GRID2: variants seen among roughly 807,000 people sequenced by gnomAD.
The protein encoded by GRID2 is glutamate ionotropic receptor delta type subunit 2, also known as glutamate receptor ionotropic, delta-2.
In GRID2, 33 loss-of-function variants were observed where a neutral mutation model predicts 114.8. The ratio of observed to expected loss-of-function variants is 0.29; its 90% confidence interval spans 0.22 to 0.38. GRID2 has a LOEUF of 0.38. GRID2 is among the 10% of genes least tolerant of loss of function. The pLI, the probability that GRID2 is intolerant of heterozygous loss-of-function variation, is 1.00. For missense variants in GRID2, 1,184 were observed against 1,257.7 expected, an observed-to-expected ratio of 0.94 and a Z score of 0.89; for synonymous variants, 505 against 449.9, an observed-to-expected ratio of 1.12 and a Z score of -1.55.
At chr4:93,299,924 T>C (rs1409781217) in intron 8 of GRID2, among the ~76,000 whole-genome samples, 1 of 152,186 alleles carries the variant, frequency 6.6e-6, no homozygotes, top group South Asian at 2.1e-4. Context: ...CCTTGTTATC[T>C]ACAGCAGATT....
chr4:92,334,282 G>C (rs1336294837), intron 1 of GRID2, among the ~76,000 whole-genome samples: 3 of 152,088 alleles, frequency 2.0e-5, no homozygotes, highest in Admixed American at 1.3e-4. Context: ...TACAGCTCTT[G>C]TTTTCTTCTT....
At chr4:93,361,365 G>C (rs1201196911) in intron 8 of GRID2, among the ~76,000 whole-genome samples, 1 of 152,006 alleles carries the variant, frequency 6.6e-6, no homozygotes, top group African/African-American at 2.4e-5. Flanking sequence ...GGTCTTGTAA[G>C]AAGTAAGCTA....
intron 14 of GRID2, among the ~76,000 whole-genome samples, chr4:93,731,456 A>T (rs963558968): frequency 2.6e-5 from 4 of 152,232 alleles, no homozygotes; most frequent in Non-Finnish European, 5.9e-5. Context: ...GCTGATGAAG[A>T]TACATGAGAC....
intron 14 of GRID2, among the ~76,000 whole-genome samples, chr4:93,715,521 C>A (rs1728832975): frequency 6.6e-6 from 1 of 152,134 alleles, no homozygotes. Context: ...TTGCTTTGGG[C>A]AGTGTGGCCA....
intron 2 of GRID2, among the ~76,000 whole-genome samples, chr4:92,707,661 A>T (rs1191481100): frequency 1.3e-5 from 2 of 152,212 alleles, no homozygotes; most frequent in African/African-American, 4.8e-5. Context: ...GTAGCTTTTG[A>T]GCTATGCTAT....
chr4:92,348,719 T>C (rs1015549320), intron 1 of GRID2, among the ~76,000 whole-genome samples: 1 of 152,152 alleles, frequency 6.6e-6, no homozygotes, highest in Admixed American at 6.6e-5. Context: ...GTTTCAGGTA[T>C]TAAGACATAG....
chr4:93,352,935 G>A (rs1760944684), intron 8 of GRID2, among the ~76,000 whole-genome samples: 1 of 151,942 alleles, frequency 6.6e-6, no homozygotes, highest in Admixed American at 6.6e-5. Flanking sequence ...GCATAAAAAA[G>A]ATGTATTGTG....
intron 13 of GRID2, among the ~76,000 whole-genome samples, chr4:93,535,492 G>A (rs1324913481): frequency 6.6e-6 from 1 of 151,928 alleles, no homozygotes; most frequent in Non-Finnish European, 1.5e-5. Context: ...CATAATGGCT[G>A]TAAAAATTGA....
intron 1 of GRID2, among the ~76,000 whole-genome samples, chr4:92,381,506 GT>G (rs34512736): frequency 0.33 from 49,710 of 148,516 alleles, 9,119 homozygotes; most frequent in East Asian, 0.7. Flanking sequence ...TAAAAGAAGT[GT>G]TTTTTTTTTT....
intron 1 of GRID2, among the ~76,000 whole-genome samples, chr4:92,527,700 C>T (rs1725113404): frequency 1.3e-5 from 2 of 151,778 alleles, no homozygotes; most frequent in Admixed American, 1.3e-4. Flanking sequence ...GTGTTAGTAG[C>T]ATAAGACAAA....
At chr4:93,677,713 A>T (rs929586878) in intron 14 of GRID2, among the ~76,000 whole-genome samples, 19 of 152,284 alleles carry the variant, frequency 1.2e-4, no homozygotes, top group African/African-American at 4.6e-4. Context: ...GACCTGCAAC[A>T]GAGGGTCCTG....
rs1348050312 is a variant in GRID2, at chr4:92,642,871, C to A, written c.244+52585C>A. On this transcript the variant is annotated intron_variant, in intron 2 of 15. Transcript: ENST00000282020. ...TTAAGGGTCCACTTTCATTCTTCTGCATGCTTGTTTATCTCAGCCTTGTTG... is the reference window on the plus strand; with the variant it reads ...TTAAGGGTCCACTTTCATTCTTCTGAATGCTTGTTTATCTCAGCCTTGTTG... Among the ~76,000 whole-genome samples, 5 of 151,516 alleles carry A rather than the reference C, an allele frequency of 3.3e-5. No homozygotes were observed. In the South Asian group the frequency reaches 1.0e-3, roughly 31 times the overall value.
intron 14 of GRID2, among the ~76,000 whole-genome samples, chr4:93,724,625 C>T (rs1358746514): frequency 6.6e-6 from 1 of 152,028 alleles, no homozygotes; most frequent in Non-Finnish European, 1.5e-5. Flanking sequence ...AGAGACGCTA[C>T]ATGAGTGCCC....
intron 8 of GRID2, among the ~76,000 whole-genome samples, chr4:93,246,520 G>A (rs1485758110): frequency 1.3e-5 from 2 of 151,126 alleles, no homozygotes; most frequent in African/African-American, 4.9e-5. Context: ...CTGGGAGGCA[G>A]AGCTTGCAGT....
chr4:93,400,286 A>G (rs1213701495), intron 9 of GRID2, among the ~76,000 whole-genome samples: 2 of 152,160 alleles, frequency 1.3e-5, no homozygotes, highest in African/African-American at 4.8e-5. Context: ...GTATTCAACC[A>G]TCACCAAAGC....
chr4:93,510,545 A>G lies in GRID2; in HGVS notation c.1998-4671A>G, dbSNP rs562148363. On this transcript the variant is annotated intron_variant, in intron 12 of 15. Transcript: ENST00000282020. ...CATTATTTCATTAATATAAAATTGT[A>G]TAAATGTCCCAGAGAGTTTGCTATG... is the stretch of plus-strand genomic sequence containing the variant. 2.6e-5 allele frequency among the ~76,000 whole-genome samples: 4 copies of G among 152,346 alleles called. No individual in the cohort carries two copies. In the South Asian group the frequency reaches 8.3e-4, roughly 32 times the overall value.
chr4:92,535,591 G>T (rs775914536), intron 1 of GRID2, among the ~76,000 whole-genome samples: 7 of 152,194 alleles, frequency 4.6e-5, no homozygotes, highest in Non-Finnish European at 1.0e-4. Flanking sequence ...AGCAATTATT[G>T]TCACATGCAA....
At chr4:93,088,415 T>C (rs139875323) in intron 3 of GRID2, among the ~76,000 whole-genome samples, 151 of 152,264 alleles carry the variant, frequency 9.9e-4, no homozygotes, top group Non-Finnish European at 1.9e-3. Context: ...ATAGTCTTAG[T>C]CTTTAATAAG....
At chr4:92,419,324 G>A (rs928962796) in intron 1 of GRID2, among the ~76,000 whole-genome samples, 2 of 152,116 alleles carry the variant, frequency 1.3e-5, no homozygotes, top group African/African-American at 4.8e-5. Context: ...CTCAGGAAAT[G>A]AGTAATCTGC....
Sources: gnomAD v4.1 joint callset for allele counts (sites outside exome capture counted in the v4.1 genomes callset) on GRCh38, gnomAD v4.1.1 for gene constraint, MANE v1.5 for transcripts, NCBI Gene and HGNC (gene_info 2026-07-23, HGNC 2026-07-21) for gene names.